ARL3: variants seen among roughly 807,000 people sequenced by gnomAD.
ARL3 encodes the protein ADP-ribosylation factor-like protein 3.
A neutral mutation model predicts 26.0 loss-of-function variants in ARL3; 9 were observed. The ratio of observed to expected loss-of-function variants is 0.35; its 90% CI spans 0.21 to 0.60. The LOEUF (loss-of-function observed/expected upper bound fraction) is 0.60. Among genes scored for constraint, ARL3 ranks in the 20% least tolerant of loss-of-function variants. ARL3 has a pLI of 0.78. For missense variants in ARL3, 158 were observed against 215.7 expected, an observed-to-expected ratio of 0.73 and a Z score of 1.67; for synonymous variants, 71 against 78.4, an observed-to-expected ratio of 0.91 and a Z score of 0.50.
chr10:102,702,807 T>C (rs1463389704), intron 2 of ARL3, among the ~76,000 whole-genome samples: 1 of 152,198 alleles, frequency 6.6e-6, no homozygotes, highest in Non-Finnish European at 1.5e-5. Context: ...GCTGTAAAAA[T>C]TGTTCATTTG....
intron 2 of ARL3, among the ~76,000 whole-genome samples, 178 bp downstream of exon 2, chr10:102,705,168 A>C (rs2064302541): frequency 6.6e-6 from 1 of 152,008 alleles, no homozygotes; most frequent in Non-Finnish European, 1.5e-5. Flanking sequence ...TACTCTAAAT[A>C]CCTCATGAGA....
At chr10:102,701,735 T>C (rs1446674410) in intron 2 of ARL3, among the ~76,000 whole-genome samples, 1 of 152,218 alleles carries the variant, frequency 6.6e-6, no homozygotes, top group Non-Finnish European at 1.5e-5. Flanking sequence ...TATGTATCAA[T>C]GGGCTTAAAC....
chr10:102,695,101 T>C (rs1470111499), intron 3 of ARL3, among the ~76,000 whole-genome samples: 1 of 152,248 alleles, frequency 6.6e-6, no homozygotes, highest in Non-Finnish European at 1.5e-5. Flanking sequence ...TTCAGTACTA[T>C]GTTAGCCATC....
intron 2 of ARL3, among the ~76,000 whole-genome samples, chr10:102,702,160 C>T (rs762033818): frequency 6.6e-6 from 1 of 152,070 alleles, no homozygotes. Context: ...CCACTGTACT[C>T]CAGCCTGGCC....
intron 4 of ARL3, among the ~76,000 whole-genome samples, chr10:102,687,087 A>T (rs1360971555): frequency 1.3e-5 from 2 of 150,502 alleles, no homozygotes; most frequent in Non-Finnish European, 3.0e-5. Flanking sequence ...CATCTTGGCC[A>T]GGCTAGTCTT....
chr10:102,692,068 A>C (rs2064220995), intron 3 of ARL3, among the ~76,000 whole-genome samples: 1 of 152,208 alleles, frequency 6.6e-6, no homozygotes, highest in Non-Finnish European at 1.5e-5. Context: ...TGTTGCTGTG[A>C]ACCGATTTTT....
chr10:102,684,836 T>C (rs1183690325), intron 5 of ARL3, among the ~76,000 whole-genome samples: 1 of 149,846 alleles, frequency 6.7e-6, no homozygotes, highest in South Asian at 2.1e-4. Context: ...GAGACGGGGG[T>C]TTCACCATGT....
rs141263477 is a variant in ARL3 at position 102,699,532 on chromosome 10, A to C, written c.148-43T>G. 2.1e-4 allele frequency: 254 copies of C among 1,186,724 alleles called. No individual in the cohort carries two copies. In the African/African-American group the frequency reaches 3.5e-3, roughly 16 times the overall value. The allele number at this position is 1,186,724 out of a possible 1,614,324, so 73.5% of individuals were successfully genotyped here. ...ACATCAAGTTTTATTAAACTTTGGG[A>C]TCATAATTCTGACAAAGTTACATTT... On this transcript the variant is annotated intron_variant, in intron 2 of 5. Transcript: ENST00000260746.
chr10:102,676,850 C>A lies in ARL3; in HGVS notation c.*44G>T, dbSNP rs566866967. The A allele has an allele frequency of 7.5e-6, 12 of 1,602,938 alleles. No homozygotes were observed. The South Asian group carries it at 1.2e-4, about 16-fold the overall frequency. On this transcript the variant is annotated 3_prime_UTR_variant, in exon 6 of 6. Coordinates refer to ENST00000260746, the MANE Select transcript of ARL3 (RefSeq NM_004311.4). ...GCAGCAAATTAGTGTTTTTCAGGAC[C>A]GAATTCGGCTCCCGCAGCTCCTGCA...
chr10:102,705,371 T>A lies in ARL3; in HGVS notation c.122A>T (p.Asp41Val). 1 of 1,608,744 alleles carries A rather than the reference T, an allele frequency of 6.2e-7. No individual in the cohort carries two copies. Among genetic ancestry groups the A allele is most frequent in the Middle Eastern group, 1.9e-4 (1 of 5,176 alleles). Residue 41 changes from aspartate (D) to valine (V), a missense_variant, in exon 2 of 6, where the codon GAC becomes GTC. Coordinates refer to ENST00000260746, the MANE Select transcript of ARL3 (RefSeq NM_004311.4). ...TTLLKQLASE[D>V]ISHITPTQGF... is the part of the protein sequence containing the mutation. ...CTGTGTAGGTGTGATGTGGCTGATG[T>A]CTTCAGATGCAAGCTGCTTCAGAAG...
rs182194850 is a variant in ARL3 at position 102,685,824 on chromosome 10, C to T, written c.493G>A (p.Gly165Ser). ...CCTTCCTGTAATCTCACCTGAACGC[C>T]CTCTCCTGTGAGAGCTGAGCAAGAC... ...IQSCSALTGE[G>S]VQDGMNWVCK... is the part of the protein sequence containing the mutation. Residue 165 changes from glycine (G) to serine (S), a missense_variant, in exon 5 of 6, where the codon GGC becomes AGC. Gly to Ser is a moderately conservative substitution (Grantham distance 56). Transcript: ENST00000260746. 13 of 1,609,230 alleles carry T rather than the reference C, an allele frequency of 8.1e-6. No individual in the cohort carries two copies. The Admixed American group carries it at 2.2e-4, about 27-fold the overall frequency.
At chr10:102,681,195 C>G (rs2135995767) in intron 5 of ARL3, among the ~76,000 whole-genome samples, 1 of 151,862 alleles carries the variant, frequency 6.6e-6, no homozygotes, top group Non-Finnish European at 1.5e-5. Context: ...CGAGACCAGC[C>G]TGGCCAACAT....
At chr10:102,696,065 G>A (rs1203070059) in intron 3 of ARL3, among the ~76,000 whole-genome samples, 1 of 151,718 alleles carries the variant, frequency 6.6e-6, no homozygotes, top group African/African-American at 2.4e-5. Context: ...CCAGGTTCAT[G>A]CCATTCTCCT....
At chr10:102,688,117 T>C (rs2064197116) in intron 4 of ARL3, among the ~76,000 whole-genome samples, 1 of 152,190 alleles carries the variant, frequency 6.6e-6, no homozygotes, top group African/African-American at 2.4e-5. Flanking sequence ...AGGTTATAGG[T>C]TGGGGTCTAA....
At position 102,714,340 on chromosome 10, in the gene ARL3, C is replaced by T; in HGVS notation, c.-65G>A. 7.7e-7 allele frequency: 1 copy of T among 1,291,096 alleles called. No homozygotes were observed. Among genetic ancestry groups the T allele is most frequent in the Non-Finnish European group, 9.9e-7 (1 of 1,010,658 alleles). 80.0% of individuals were successfully genotyped at this position (1,291,096 alleles called of 1,614,324 possible). On this transcript the variant is annotated 5_prime_UTR_variant, in exon 1 of 6. Coordinates refer to ENST00000260746, the MANE Select transcript of ARL3 (RefSeq NM_004311.4). ...CCTCCCCCGTTACCAGGGGCAACTG[C>T]TGCGGCGCCGCCCCCGACGTCCCTC...
At chr10:102,699,945 G>A (rs2064270098) in intron 2 of ARL3, among the ~76,000 whole-genome samples, 1 of 152,212 alleles carries the variant, frequency 6.6e-6, no homozygotes, top group Non-Finnish European at 1.5e-5. Flanking sequence ...TAGAGGATTA[G>A]ATTCTTCAAG....
intron 2 of ARL3, among the ~76,000 whole-genome samples, chr10:102,700,673 T>C (rs1229922554): frequency 2.0e-5 from 3 of 150,390 alleles, no homozygotes; most frequent in Non-Finnish European, 4.4e-5. Flanking sequence ...ACCATATTGG[T>C]CAGGCTGGTC....
intron 5 of ARL3, among the ~76,000 whole-genome samples, chr10:102,680,102 C>A (rs2064148238): frequency 6.6e-6 from 1 of 152,098 alleles, no homozygotes. Context: ...CGCCACCATG[C>A]CCGACTAATA....
intron 3 of ARL3, among the ~76,000 whole-genome samples, chr10:102,695,187 T>C (rs1435484025): frequency 6.6e-6 from 1 of 152,208 alleles, no homozygotes; most frequent in African/African-American, 2.4e-5. Context: ...GTGATTTTGA[T>C]TGGGATTCTA....
Sources: allele counts gnomAD v4.1 joint callset (sites outside exome capture counted in the v4.1 genomes callset), GRCh38; gene constraint gnomAD v4.1.1; transcripts MANE v1.5; gene names NCBI Gene and HGNC (gene_info 2026-07-23, HGNC 2026-07-21).